The following PDE4A variants were observed in gnomAD, a reference collection of about 807,000 sequenced individuals.
The protein encoded by PDE4A is phosphodiesterase 4A, also known as 3',5'-cyclic-AMP phosphodiesterase 4A.
PDE4A carries 21 observed loss-of-function variants against 73.9 expected under a neutral mutation model. The ratio of observed to expected loss-of-function variants is 0.28; its 90% CI spans 0.20 to 0.41. PDE4A has a LOEUF of 0.41. PDE4A is among the 10% of genes least tolerant of loss of function. The pLI, the probability that PDE4A is intolerant of heterozygous loss-of-function variation, is 1.00. For missense variants in PDE4A, 958 were observed against 1,211.4 expected (o/e 0.79, Z 3.10); for synonymous variants, 463 against 505.4 (o/e 0.92, Z 1.13).
rs60627746 is a variant in PDE4A, at chr19:10,457,858, C to T, written c.878-21C>T. On this transcript the variant is annotated intron_variant, in intron 7 of 14. Transcript: ENST00000380702. ...GGTGGAAGGGTTGTTCACACTTGTT[C>T]CTGCTCCCCATCTTCTGCAGACAAA... 4,588 of 1,611,686 alleles carry T rather than the reference C, an allele frequency of 2.8e-3. 124 individuals are homozygous for T. The African/African-American group carries it at 0.052, about 18-fold the overall frequency.
chr19:10,435,837 T>C (rs954797211), intron 1 of PDE4A, among the ~76,000 whole-genome samples: 1 of 152,060 alleles, frequency 6.6e-6, no homozygotes. Flanking sequence ...AGGGATCTGA[T>C]TCTGGGGCAT....
rs770670388 is a variant in PDE4A, at chr19:10,461,028, C to G, written c.1390C>G (p.Leu464Val). 1.2e-6 allele frequency: 2 copies of G among 1,613,690 alleles called. No individual in the cohort carries two copies. Among genetic ancestry groups the G allele is most frequent in the Admixed American group, 1.7e-5 (1 of 60,008 alleles). Residue 464 changes from leucine to valine, a missense_variant, in exon 11 of 15, where the codon CTC (leucine) becomes GTC (valine). By Grantham distance (32) the Leu-to-Val change is conservative. Coordinates refer to ENST00000380702, the MANE Select transcript of PDE4A (RefSeq NM_001111307.2). ...LDAVFTDLEI[L>V]AALFAAAIHD... ...GGCAGTGTTCACGGACCTGGAGATT[C>G]TCGCCGCCCTCTTCGCGGCTGCCAT...
At chr19:10,452,152 GTGTC>G (rs1395649906) in intron 6 of PDE4A, among the ~76,000 whole-genome samples, 2 of 151,942 alleles carry the variant, frequency 1.3e-5, no homozygotes, top group South Asian at 2.1e-4. Context: ...GTTGGAAAGT[GTGTC>G]TGTGGGTGTG....
chr19:10,455,442 C>A, intron 7 of PDE4A, among the ~76,000 whole-genome samples: 1 of 141,654 alleles, frequency 7.1e-6, no homozygotes, highest in African/African-American at 2.7e-5. Context: ...CCAGCCTAGG[C>A]AACAAGAGTG....
intron 7 of PDE4A, among the ~76,000 whole-genome samples, chr19:10,455,684 C>T (rs1452936278): frequency 6.6e-6 from 1 of 151,432 alleles, no homozygotes; most frequent in Non-Finnish European, 1.5e-5. Flanking sequence ...CACTTGAACC[C>T]GGGAGGCAGA....
intron 1 of PDE4A, among the ~76,000 whole-genome samples, chr19:10,435,612 A>T (rs1224058043): frequency 6.6e-6 from 1 of 151,692 alleles, no homozygotes; most frequent in Non-Finnish European, 1.5e-5. Context: ...ACAAAAAACA[A>T]TGATTAGCCT....
At chr19:10,422,396 G>A (rs1197612212) in intron 1 of PDE4A, among the ~76,000 whole-genome samples, 1 of 152,122 alleles carries the variant, frequency 6.6e-6, no homozygotes, top group Non-Finnish European at 1.5e-5. Context: ...CCTAAGAACT[G>A]GTGTCCTCTA....
chr19:10,440,367 C>A (rs898081190), intron 1 of PDE4A, among the ~76,000 whole-genome samples: 2 of 151,986 alleles, frequency 1.3e-5, no homozygotes, highest in African/African-American at 4.8e-5. Context: ...GTTTTAATAT[C>A]TTTTCTGCAG....
At chr19:10,436,749 G>T (rs2042870186) in intron 1 of PDE4A, among the ~76,000 whole-genome samples, 1 of 151,846 alleles carries the variant, frequency 6.6e-6, no homozygotes, top group South Asian at 2.1e-4. Context: ...TCAACAAATG[G>T]ACACTATTGG....
chr19:10,463,395 CTTTTTTTTTTTT>C (rs35214617), intron 13 of PDE4A, among the ~76,000 whole-genome samples: 6 of 100,398 alleles, frequency 6.0e-5, no homozygotes, highest in Non-Finnish European at 1.1e-4. Flanking sequence ...CAGCCCCATT[CTTTTTTTTTTTT>C]TTTTTTTTTT....
chr19:10,440,323 A>C (rs2042920437), intron 1 of PDE4A, among the ~76,000 whole-genome samples: 1 of 151,686 alleles, frequency 6.6e-6, no homozygotes, highest in East Asian at 1.9e-4. Flanking sequence ...CTGATGAGTG[A>C]TGTTAAGGAT....
Position 10,420,638 on chromosome 19 carries a change from G to C in PDE4A, c.-127G>C, listed in dbSNP as rs532315709. 1.5e-6 allele frequency: 2 copies of C among 1,345,324 alleles called. No homozygotes were observed. Among genetic ancestry groups the C allele is most frequent in the Non-Finnish European group, 1.9e-6 (2 of 1,055,570 alleles). The allele number at this position is 1,345,324 out of a possible 1,614,324, so 83.3% of individuals were successfully genotyped here. On this transcript the variant is annotated 5_prime_UTR_variant, in exon 1 of 15. Transcript: ENST00000380702. The surrounding 1 kb of genome is among the most constrained non-coding windows in gnomAD (Gnocchi z 6.0). The stretch of plus-strand genomic sequence containing the variant: ...CGCAGCGCCCCCGGGTCTGTCCCCG[G>C]GGCGCCATGGCCCTACCGCGGCCGG...
In PDE4A at chr19:10,420,883, C is replaced by G; in HGVS notation, c.119C>G (p.Pro40Arg). 5 of 1,589,764 alleles carry G rather than the reference C, an allele frequency of 3.1e-6. No homozygotes were observed. The highest frequency in any genetic ancestry group is 4.3e-6 in the Non-Finnish European group (5 of 1,176,170). The change falls in exon 1 of 15, where the codon CCC (proline) becomes CGC (arginine). Residue 40 changes from proline to arginine, a missense_variant. Transcript: ENST00000380702. This position sits in a 1 kb window ranked among gnomAD's most constrained non-coding sequence, Gnocchi z 6.0. Reference protein sequence around the residue: ...PQHLWRQPRTPIRIQQRGYSD... With the variant: ...PQHLWRQPRTRIRIQQRGYSD... Reference sequence around the variant, plus strand: ...CACCTGTGGCGGCAGCCTCGGACCCCCATCCGTATCCAGCAGCGCGGCTAC... The same window carrying G: ...CACCTGTGGCGGCAGCCTCGGACCCGCATCCGTATCCAGCAGCGCGGCTAC...
At chr19:10,428,874 G>A in intron 1 of PDE4A, 1 of 985,408 alleles carries the variant, frequency 1.0e-6, no homozygotes, top group Non-Finnish European at 1.2e-6. Flanking sequence ...GGCTCACACG[G>A]GTGGATCACT....
At chr19:10,443,692 G>A (rs1377700294) in intron 1 of PDE4A, among the ~76,000 whole-genome samples, 1 of 151,928 alleles carries the variant, frequency 6.6e-6, no homozygotes, top group African/African-American at 2.4e-5. Context: ...CAGCCTGGGC[G>A]ATAGAGCGAG....
upstream of PDE4A, chr19:10,417,706 C>A (rs762499528): frequency 1.3e-6 from 2 of 1,594,924 alleles, no homozygotes; most frequent in Non-Finnish European, 1.7e-6. Context: ...ATGCTGGGGG[C>A]CGACCTGCGT....
intron 14 of PDE4A, 23 bp from the exon 15 acceptor site, chr19:10,466,864 T>A (rs1333743396): frequency 8.1e-6 from 13 of 1,604,892 alleles, no homozygotes; most frequent in African/African-American, 2.7e-5. Flanking sequence ...GCCGCCCATT[T>A]ATACTTTCTT....
intron 1 of PDE4A, among the ~76,000 whole-genome samples, chr19:10,422,710 C>T (rs149904379): frequency 1.2e-4 from 19 of 152,282 alleles, no homozygotes; most frequent in African/African-American, 4.6e-4. Context: ...TCCCCCTGCA[C>T]CCTTCTACCC....
At chr19:10,428,097 A>G (rs145613226) in intron 1 of PDE4A, among the ~76,000 whole-genome samples, 127 of 152,156 alleles carry the variant, frequency 8.3e-4, no homozygotes, top group African/African-American at 2.8e-3. Context: ...CACGCCTGTA[A>G]TCCCAGCACT....
Sources: gnomAD v4.1 joint callset for allele counts (sites outside exome capture counted in the v4.1 genomes callset) on GRCh38, gnomAD v4.1.1 for gene constraint, Gnocchi (gnomAD v3.1) non-coding constraint, MANE v1.5 for transcripts, NCBI Gene and HGNC (gene_info 2026-07-23, HGNC 2026-07-21) for gene names.